Variants in GPR143 observed in about 807,000 individuals in gnomAD.
GPR143 encodes G protein-coupled receptor 143.
A neutral mutation model predicts 27.6 loss-of-function variants in GPR143; 8 were observed. The ratio of observed to expected loss-of-function variants is 0.29; its 90% CI spans 0.17 to 0.52. GPR143 has a LOEUF of 0.52. Ranked by LOEUF, GPR143 falls within the 20% of genes least tolerant of loss-of-function variation. The probability of loss-of-function intolerance (pLI) is 0.96; values close to 1 mark genes in which losing one functional copy is unlikely to be tolerated. For missense variants in GPR143, 303 were observed against 343.1 expected, an observed-to-expected ratio of 0.88 and a Z score of 0.92; for synonymous variants, 156 against 153.2, an observed-to-expected ratio of 1.02 and a Z score of -0.13.
intron 1 of GPR143, among the ~76,000 whole-genome samples, chrX:9,777,546 T>C (rs1229681928): frequency 8.9e-6 from 1 of 111,972 alleles, no homozygotes; most frequent in East Asian, 2.8e-4. Flanking sequence ...TGGTAAATTA[T>C]GTCCATCTGT....
At chrX:9,749,485 C>T (rs1451549130) in intron 3 of GPR143, among the ~76,000 whole-genome samples, 2 of 111,672 alleles carry the variant, frequency 1.8e-5, no homozygotes, top group African/African-American at 6.5e-5. Context: ...TAGTTTCTGT[C>T]TCTGTGGATT....
At chrX:9,764,589 G>A (rs1352943880) in intron 1 of GPR143, among the ~76,000 whole-genome samples, 1 of 110,683 alleles carries the variant, frequency 9.0e-6, no homozygotes, top group African/African-American at 3.3e-5. Flanking sequence ...CCCTGGTGCA[G>A]TTGGGCAAAA....
chrX:9,738,458 A>G, intron 8 of GPR143: 1 of 730,170 alleles, frequency 1.4e-6, no homozygotes, highest in South Asian at 7.0e-5. Flanking sequence ...TGTGTCTTTT[A>G]GCTTCAGCCA....
At chrX:9,754,731 G>T in intron 3 of GPR143, among the ~76,000 whole-genome samples, 1 of 111,857 alleles carries the variant, frequency 8.9e-6, no homozygotes, top group South Asian at 3.8e-4. Context: ...TCTGGGTCCA[G>T]ACAGTTCTCA....
rs990618879 is a variant in GPR143, at chrX:9,760,953, G to A, written c.251-127C>T. ...AAGAGAGGAAGGAAGAAGGAAGGAA[G>A]GAAAGGAGGGAGGGAGAGAGGGAGG... On this transcript the variant is annotated intron_variant, in intron 1 of 8. Transcript: ENST00000467482. 2.4e-5 allele frequency: 11 copies of A among 463,867 alleles called. No homozygotes were observed. The South Asian group carries it at 3.4e-4, about 14-fold the overall frequency. 38.2% of individuals were successfully genotyped at this position (463,867 alleles called of 1,213,427 possible).
At chrX:9,749,307 C>T (rs1034503408) in intron 3 of GPR143, among the ~76,000 whole-genome samples, 13 of 107,573 alleles carry the variant, frequency 1.2e-4, no homozygotes, top group African/African-American at 2.0e-4. Flanking sequence ...CCTTCTGCCA[C>T]GATTGTAAGT....
chrX:9,761,730 T>G (rs999577080), intron 1 of GPR143, among the ~76,000 whole-genome samples: 2 of 112,904 alleles, frequency 1.8e-5, no homozygotes, highest in Non-Finnish European at 3.7e-5. Context: ...AAATGTCTAA[T>G]ATCCTCAAAA....
chrX:9,734,524 C>T (rs907374913), intron 8 of GPR143, among the ~76,000 whole-genome samples: 4 of 111,884 alleles, frequency 3.6e-5, no homozygotes, highest in Non-Finnish European at 5.6e-5. Context: ...GGCCTCACCC[C>T]ACCTGTGTGG....
intron 3 of GPR143, among the ~76,000 whole-genome samples, chrX:9,755,421 T>C (rs2083469404): frequency 9.3e-6 from 1 of 107,410 alleles, no homozygotes; most frequent in South Asian, 4.1e-4. Context: ...TCTATCTTTT[T>C]CACCCTAAGA....
chrX:9,770,766 T>C (rs1441056314), upstream of GPR143, among the ~76,000 whole-genome samples: 2 of 111,838 alleles, frequency 1.8e-5, no homozygotes, highest in Non-Finnish European at 3.8e-5. Context: ...CCTAGAGTCC[T>C]TATAGACACA....
intron 5 of GPR143, among the ~76,000 whole-genome samples, chrX:9,744,308 G>C (rs1048463235): frequency 3.6e-5 from 4 of 111,824 alleles, no homozygotes; most frequent in Admixed American, 1.9e-4. Context: ...CTCCAGCCTG[G>C]GTGACAGAGC....
At chrX:9,774,482 C>A (rs1005049487) in intron 1 of GPR143, among the ~76,000 whole-genome samples, 1 of 112,604 alleles carries the variant, frequency 8.9e-6, no homozygotes, top group Non-Finnish European at 1.9e-5. Context: ...GTCCAGCCTG[C>A]CCCTGGGGGT....
chrX:9,771,709 CTCT>C (rs1416343403), intron 1 of GPR143, among the ~76,000 whole-genome samples: 4 of 92,818 alleles, frequency 4.3e-5, no homozygotes, highest in African/African-American at 1.6e-4. Flanking sequence ...AGCATTCTCT[CTCT>C]TTTTTTTTTT....
chrX:9,773,606 T>C (rs2146710328), intron 1 of GPR143, among the ~76,000 whole-genome samples: 1 of 111,402 alleles, frequency 9.0e-6, no homozygotes, highest in South Asian at 3.8e-4. Flanking sequence ...GGAGTGGTGC[T>C]TCACACCTAT....
At chrX:9,769,590 T>C (rs2083546356), upstream of GPR143, among the ~76,000 whole-genome samples, 1 of 111,566 alleles carries the variant, frequency 9.0e-6, no homozygotes, top group African/African-American at 3.3e-5. Flanking sequence ...GATTTGTTTA[T>C]TTATTTATTG....
At chrX:9,757,518 C>T (rs757542086) in intron 3 of GPR143, among the ~76,000 whole-genome samples, 2 of 111,520 alleles carry the variant, frequency 1.8e-5, no homozygotes, top group Non-Finnish European at 3.8e-5. Context: ...TGTATGATTC[C>T]ATTGCTATGA....
intron 7 of GPR143, 190 bp downstream of exon 7, chrX:9,741,148 G>A: frequency 2.8e-6 from 1 of 353,379 alleles, no homozygotes; most frequent in Admixed American, 5.0e-5. Flanking sequence ...GCCCAGGGTG[G>A]AGGCATACAC....
chrX:9,767,637 C>T (rs1284696453), upstream of GPR143, among the ~76,000 whole-genome samples: 1 of 111,765 alleles, frequency 8.9e-6, no homozygotes, highest in African/African-American at 3.3e-5. Flanking sequence ...ATAAACGCAG[C>T]CTGTTCACTC....
chrX:9,725,490 C>G lies in GPR143; in HGVS notation c.*256G>C. On this transcript the variant is annotated 3_prime_UTR_variant, in exon 9 of 9. Transcript: ENST00000467482. ...TTACTTTACAGCCAGCCTCAGAAAA[C>G]TTCCTAGTGGCAACTAAGGCTAGAG... 3.0e-6 allele frequency: 1 copy of G among 331,970 alleles called. No individual in the cohort carries two copies. The highest frequency in any genetic ancestry group is 5.2e-6 in the Non-Finnish European group (1 of 190,844). 27.4% of individuals were successfully genotyped at this position (331,970 alleles called of 1,213,427 possible).
Sources: allele counts gnomAD v4.1 joint callset (sites outside exome capture counted in the v4.1 genomes callset), GRCh38; gene constraint gnomAD v4.1.1; transcripts MANE v1.5; gene names NCBI Gene and HGNC (gene_info 2026-07-23, HGNC 2026-07-21).